DNAH6: variants seen among roughly 807,000 people sequenced by gnomAD.
The protein encoded by DNAH6 is axonemal beta dynein heavy chain 6.
Under a neutral mutation model 491.4 loss-of-function variants are expected in DNAH6, and 340 were observed. That is an observed-to-expected ratio of 0.69 (90% confidence interval 0.63 to 0.76). The LOEUF (loss-of-function observed/expected upper bound fraction) is 0.76, where lower values mean the gene tolerates loss of function less well. DNAH6 is among the 30% of genes least tolerant of loss of function. The pLI is 0.00. For missense variants in DNAH6, 4,443 were observed against 4,972.2 expected (o/e 0.89, Z 3.20); for synonymous variants, 1,603 against 1,686.1 (o/e 0.95, Z 1.21).
chr2:84,662,081 CA>C (rs893015972), intron 37 of DNAH6, among the ~76,000 whole-genome samples: 6 of 151,140 alleles, frequency 4.0e-5, no homozygotes, highest in Non-Finnish European at 7.4e-5. Flanking sequence ...TAAAATTTGA[CA>C]AAAAAGGTTA....
At chr2:84,671,232 G>A (rs1224497058) in intron 39 of DNAH6, among the ~76,000 whole-genome samples, 1 of 152,196 alleles carries the variant, frequency 6.6e-6, no homozygotes, top group African/African-American at 2.4e-5. Context: ...TGTCTATGCT[G>A]TCTGTGAGGC....
chr2:84,770,334 T>G (rs1444324538), intron 64 of DNAH6, among the ~76,000 whole-genome samples: 5 of 152,126 alleles, frequency 3.3e-5, no homozygotes, highest in African/African-American at 4.8e-5. Context: ...ACATAAGAAA[T>G]TATGACCCAT....
chr2:84,478,150 A>G, the DNAH6 span, among the ~76,000 whole-genome samples: 2 of 152,218 alleles, frequency 1.3e-5, no homozygotes, highest in African/African-American at 4.8e-5. Context: ...CACCTTATTT[A>G]GGGAAGATGG....
rs1030934356 is a variant in DNAH6, at chr2:84,637,216, A to G, written c.4660A>G (p.Arg1554Gly). 31 of 1,544,338 alleles carry G rather than the reference A, an allele frequency of 2.0e-5. No individual in the cohort carries two copies. In the African/African-American group the frequency reaches 4.1e-4, roughly 21 times the overall value. The change falls in exon 31 of 77, where the codon AGA (arginine) becomes GGA (glycine). Residue 1554 changes from arginine (R) to glycine (G), a missense_variant. By Grantham distance (125) the Arg-to-Gly change is moderately radical. Coordinates refer to ENST00000389394, the MANE Select transcript of DNAH6 (RefSeq NM_001370.2). Reference sequence around the variant, plus strand: ...ATATTTTATCTTCGAACAGCTCTCTAGATTCATGTTTGAGGGGCGGGAAAT... The same window carrying G: ...ATATTTTATCTTCGAACAGCTCTCTGGATTCATGTTTGAGGGGCGGGAAAT... Reference protein sequence around the residue: ...IRNAKAAKLSRFMFEGREIKL... With the variant: ...IRNAKAAKLSGFMFEGREIKL...
chr2:84,682,865 A>C (rs920561975), intron 42 of DNAH6, among the ~76,000 whole-genome samples: 1 of 152,142 alleles, frequency 6.6e-6, no homozygotes, highest in African/African-American at 2.4e-5. Flanking sequence ...ACAGCAGCCA[A>C]GCATGGGCCC....
intron 29 of DNAH6, 73 bp from the exon 30 acceptor site, chr2:84,634,431 T>A (rs975228055): frequency 3.0e-6 from 4 of 1,345,246 alleles, no homozygotes; most frequent in Non-Finnish European, 2.9e-6. Flanking sequence ...CTTTAATATT[T>A]CAGCTCAGAA....
rs186201098 is a variant in DNAH6 at position 84,587,252 on chromosome 2, C to T, written c.2482-1574C>T. Among the ~76,000 whole-genome samples the T allele has an allele frequency of 2.8e-3, 432 of 152,256 alleles. 1 individual carries two copies. Among genetic ancestry groups the T allele is most frequent in the Non-Finnish European group, 4.8e-3 (327 of 68,014 alleles). ...TTAGTTTGCTATGAATAATGGCCTCCAGCTCCACCTATATTCCTGCAAAGG... is the reference window on the plus strand; with the variant it reads ...TTAGTTTGCTATGAATAATGGCCTCTAGCTCCACCTATATTCCTGCAAAGG... On this transcript the variant is annotated intron_variant, in intron 15 of 76. Transcript: ENST00000389394.
At position 84,761,258 on chromosome 2, in the gene DNAH6, G is replaced by A. The variant is rs955989634; in HGVS notation, c.10513-1497G>A. ...ATCACATGTTCTCACTCAGAAGGGA[G>A]AGCTAAATATTATGTACACATGAAT... On this transcript the variant is annotated intron_variant, in intron 63 of 76. Transcript: ENST00000389394. 2.0e-5 allele frequency among the ~76,000 whole-genome samples: 3 copies of A among 152,222 alleles called. No homozygotes were observed. In the Middle Eastern group the frequency reaches 0.01, roughly 518 times the overall value.
intron 18 of DNAH6, among the ~76,000 whole-genome samples, chr2:84,602,789 G>T (rs1685374906): frequency 7.8e-6 from 1 of 128,518 alleles, no homozygotes; most frequent in Non-Finnish European, 1.6e-5. Flanking sequence ...ACAGGTCTTG[G>T]ATGCTCTGTT....
In DNAH6 at chr2:84,774,706, G is replaced by C. The variant is rs914833289; in HGVS notation, c.10704-6787G>C. 7.2e-5 allele frequency among the ~76,000 whole-genome samples: 11 copies of C among 152,058 alleles called. No individual in the cohort carries two copies. In the South Asian group the frequency reaches 8.3e-4, roughly 11 times the overall value. The stretch of plus-strand genomic sequence containing the variant: ...GCATAGAATGTTTTTCCATTTGTTT[G>C]TGTCATTTATGATTTCTCCTGGTGG... On this transcript the variant is annotated intron_variant, in intron 64 of 76. Coordinates refer to ENST00000389394, the MANE Select transcript of DNAH6 (RefSeq NM_001370.2).
intron 4 of DNAH6, among the ~76,000 whole-genome samples, chr2:84,538,447 T>C (rs555879084): frequency 6.6e-6 from 1 of 152,182 alleles, no homozygotes; most frequent in Non-Finnish European, 1.5e-5. Context: ...TTTAAAGCTA[T>C]TAAAATCTAA....
chr2:84,552,866 T>C, intron 9 of DNAH6, 52 bp from the exon 10 acceptor site: 1 of 1,061,780 alleles, frequency 9.4e-7, no homozygotes, highest in Non-Finnish European at 1.4e-6. Context: ...TTTATTTTGT[T>C]TTAGACCTTG....
At chr2:84,776,361 T>C (rs1014677152) in intron 64 of DNAH6, among the ~76,000 whole-genome samples, 2 of 152,314 alleles carry the variant, frequency 1.3e-5, no homozygotes, top group African/African-American at 4.8e-5. Flanking sequence ...ACAAGATTAG[T>C]ACCATCTAGC....
At chr2:84,661,179 T>C (rs1691468906) in intron 37 of DNAH6, among the ~76,000 whole-genome samples, 1 of 152,100 alleles carries the variant, frequency 6.6e-6, no homozygotes. Context: ...GCTAGAGTCA[T>C]ATCTAATTCA....
intron 24 of DNAH6, 64 bp from the exon 25 acceptor site, chr2:84,621,127 C>G: frequency 6.7e-7 from 1 of 1,486,312 alleles, no homozygotes; most frequent in Non-Finnish European, 9.1e-7. Flanking sequence ...AATGGAAATA[C>G]AGAAGGCATA....
intron 62 of DNAH6, among the ~76,000 whole-genome samples, chr2:84,740,348 A>G (rs1241076178): frequency 6.6e-6 from 1 of 152,144 alleles, no homozygotes; most frequent in Non-Finnish European, 1.5e-5. Context: ...GAGCACATTC[A>G]CCCTCAGTAG....
At chr2:84,758,137 T>C (rs1674225270) in intron 63 of DNAH6, among the ~76,000 whole-genome samples, 1 of 152,226 alleles carries the variant, frequency 6.6e-6, no homozygotes, top group African/African-American at 2.4e-5. Context: ...CCAAGATCAC[T>C]ATGTAATATT....
the DNAH6 span, among the ~76,000 whole-genome samples, chr2:84,511,221 C>A: frequency 6.6e-6 from 1 of 152,196 alleles, no homozygotes; most frequent in African/African-American, 2.4e-5. Flanking sequence ...TGGGCTCCAC[C>A]CAGTTCGAGC....
At chr2:84,528,556 A>G (rs1045660948) in intron 3 of DNAH6, among the ~76,000 whole-genome samples, 1 of 152,126 alleles carries the variant, frequency 6.6e-6, no homozygotes, top group Non-Finnish European at 1.5e-5. Context: ...GTCCCAGAAA[A>G]GATAGATGCA....
Sources: allele counts gnomAD v4.1 joint callset (sites outside exome capture counted in the v4.1 genomes callset), GRCh38; gene constraint gnomAD v4.1.1; transcripts MANE v1.5; gene names NCBI Gene and HGNC (gene_info 2026-07-23, HGNC 2026-07-21).